PLXNA2: variants seen among roughly 807,000 people sequenced by gnomAD.
PLXNA2 encodes the protein plexin A2.
A neutral mutation model predicts 193.5 loss-of-function variants in PLXNA2; 91 were observed. The ratio of observed to expected loss-of-function variants is 0.47; its 90% confidence interval spans 0.40 to 0.56. The LOEUF is 0.56. PLXNA2 is among the 20% of genes least tolerant of loss of function. PLXNA2 has a pLI of 0.00. For synonymous variants in PLXNA2, 997 were observed against 1,027.3 expected, an observed-to-expected ratio of 0.97 and a Z score of 0.56; for missense variants, 1,995 against 2,503.2, an observed-to-expected ratio of 0.80 and a Z score of 4.33.
intron 8 of PLXNA2, 135 bp from the exon 9 acceptor site, chr1:208,093,035 T>C: frequency 1.7e-6 from 1 of 572,502 alleles, no homozygotes. Flanking sequence ...TGGGCCATCC[T>C]CTAGCACCAA....
chr1:208,098,477 C>CAT (rs1666988879), intron 6 of PLXNA2, among the ~76,000 whole-genome samples: 1 of 151,422 alleles, frequency 6.6e-6, no homozygotes, highest in Admixed American at 6.6e-5. Context: ...CACACACACA[C>CAT]ACACACACAC....
Position 208,038,453 on chromosome 1 carries a change from G to T in PLXNA2, c.4682C>A (p.Ala1561Asp). 6.2e-7 allele frequency: 1 copy of T among 1,614,170 alleles called. No individual in the cohort carries two copies. Among genetic ancestry groups the T allele is most frequent in the African/African-American group, 1.3e-5 (1 of 75,046 alleles). ...GTCCTCATCTTGCAGCACGACCCGG[G>T]CGATCCGGCCTTGGCGCCACTCTGG... The part of the protein sequence containing the change: ...MDLEWRQGRI[A>D]RVVLQDEDIT... The change falls in exon 26 of 32, where the codon GCC becomes GAC. Residue 1561 changes from alanine (A) to aspartate (D), a missense_variant. Around this residue, in one of 3 missense-constraint regions of PLXNA2, gnomAD observed 1,291 missense variants for 1,673.6 expected, o/e 0.77. Transcript: ENST00000367033. The surrounding 1 kb of genome is among the most constrained non-coding windows in gnomAD (Gnocchi z 4.1).
At chr1:208,145,226 C>T (rs1414194498) in intron 3 of PLXNA2, among the ~76,000 whole-genome samples, 1 of 152,188 alleles carries the variant, frequency 6.6e-6, no homozygotes, top group African/African-American at 2.4e-5. Flanking sequence ...TGAGTCTGAA[C>T]TGTGCCCCTC....
In PLXNA2 at chr1:208,044,454, A is replaced by G; in HGVS notation, c.3874+54T>C. 3 of 1,267,558 alleles carry G rather than the reference A, an allele frequency of 2.4e-6. No individual in the cohort carries two copies. The highest frequency in any genetic ancestry group is 3.5e-6 in the Non-Finnish European group (3 of 868,048). The allele number at this position is 1,267,558 out of a possible 1,614,324, so 78.5% of individuals were successfully genotyped here. A position where few individuals can be genotyped will look rare whatever the true frequency, so the allele number is the denominator to read the frequency against. On this transcript the variant is annotated intron_variant, in intron 20 of 31. Transcript: ENST00000367033. This position sits in a 1 kb window ranked among gnomAD's most constrained non-coding sequence, Gnocchi z 4.9. Reference sequence around the variant, plus strand: ...GGAGTTGTCTGCAGGGAGAAGGGCAATAAGGCAGGTGGAGAAAGAGGGACC... The same window carrying G: ...GGAGTTGTCTGCAGGGAGAAGGGCAGTAAGGCAGGTGGAGAAAGAGGGACC...
chr1:208,094,888 G>C (rs1298044998), intron 8 of PLXNA2, among the ~76,000 whole-genome samples: 1 of 152,174 alleles, frequency 6.6e-6, no homozygotes, highest in Non-Finnish European at 1.5e-5. Flanking sequence ...TAGCTTATTT[G>C]CCTCTTCTAA....
intron 4 of PLXNA2, among the ~76,000 whole-genome samples, chr1:208,122,962 A>T (rs928795187): frequency 2.0e-5 from 3 of 152,198 alleles, no homozygotes; most frequent in African/African-American, 7.2e-5. Flanking sequence ...AGATTGCGCA[A>T]TTCAATGGTG....
In PLXNA2 at chr1:208,042,241, G is replaced by A. The variant is rs780920790; in HGVS notation, c.4143C>T (p.Arg1381=). 28 of 1,614,120 alleles carry A rather than the reference G, an allele frequency of 1.7e-5. No homozygotes were observed. The South Asian group carries it at 2.1e-4, about 12-fold the overall frequency. ...TGAGCGAAGCCACGTTGCCCCGGTCGCGCATGGAGAAACTGCGCTGCAGCT... is the reference window on the plus strand; with the variant it reads ...TGAGCGAAGCCACGTTGCCCCGGTCACGCATGGAGAAACTGCGCTGCAGCT... ...TLELQRSFSM[R]DRGNVASLIM... is the part of the protein sequence containing the mutation. The change falls in exon 22 of 32, where the codon CGC becomes CGT. Residue 1381 remains arginine (R), a synonymous_variant. Coordinates refer to ENST00000367033, the MANE Select transcript of PLXNA2 (RefSeq NM_025179.4).
At chr1:208,234,434 T>C (rs1671787487) in intron 1 of PLXNA2, among the ~76,000 whole-genome samples, 1 of 152,228 alleles carries the variant, frequency 6.6e-6, no homozygotes, top group Admixed American at 6.5e-5. Flanking sequence ...ATGGGATGTT[T>C]AGGACTCTCC....
At chr1:208,065,646 G>A (rs1665767918) in intron 12 of PLXNA2, among the ~76,000 whole-genome samples, 2 of 152,182 alleles carry the variant, frequency 1.3e-5, no homozygotes, top group Admixed American at 6.5e-5. Flanking sequence ...ACATGGATGA[G>A]GGAGCGCATC....
At chr1:208,128,258 A>C (rs1425025653) in intron 4 of PLXNA2, among the ~76,000 whole-genome samples, 1 of 152,214 alleles carries the variant, frequency 6.6e-6, no homozygotes, top group African/African-American at 2.4e-5. Context: ...CAGAGGCTAG[A>C]AATAGATGCA....
intron 21 of PLXNA2, 87 bp downstream of exon 21, chr1:208,042,970 TACTC>T: frequency 7.7e-7 from 1 of 1,304,624 alleles, no homozygotes; most frequent in Non-Finnish European, 1.1e-6. Context: ...CTGCTAACCT[TACTC>T]AGTACTGCTG....
intron 1 of PLXNA2, among the ~76,000 whole-genome samples, chr1:208,232,155 T>C (rs866815187): frequency 7.2e-5 from 11 of 152,182 alleles, no homozygotes; most frequent in African/African-American, 2.7e-4. Context: ...GGCCTGGACA[T>C]GGCCCCAGGG....
intron 29 of PLXNA2, chr1:208,030,067 G>C (rs1049759755): frequency 4.1e-6 from 4 of 985,414 alleles, no homozygotes; most frequent in African/African-American, 1.7e-5. Flanking sequence ...AGGTCTTGGG[G>C]AAGATCTGCT....
At chr1:208,186,579 T>A (rs894318072) in intron 3 of PLXNA2, among the ~76,000 whole-genome samples, 2 of 152,150 alleles carry the variant, frequency 1.3e-5, no homozygotes, top group African/African-American at 4.8e-5. Context: ...GTCAAGAACA[T>A]CTTTCAGAAA....
At chr1:208,053,841 A>T (rs1665342053) in intron 14 of PLXNA2, among the ~76,000 whole-genome samples, 1 of 152,232 alleles carries the variant, frequency 6.6e-6, no homozygotes, top group Non-Finnish European at 1.5e-5. Flanking sequence ...TTGCCTGCGC[A>T]TAAAGAGATG....
chr1:208,188,345 C>T (rs1670071112), intron 3 of PLXNA2, among the ~76,000 whole-genome samples: 2 of 152,178 alleles, frequency 1.3e-5, no homozygotes, highest in Admixed American at 6.5e-5. Context: ...CTTTGAGCCA[C>T]AAAACTAGGG....
intron 1 of PLXNA2, among the ~76,000 whole-genome samples, chr1:208,233,049 C>T (rs113463886): frequency 1.2e-4 from 19 of 152,172 alleles, no homozygotes; most frequent in African/African-American, 4.1e-4. Context: ...TGCTTGAATT[C>T]CCTAAATGTT....
chr1:208,233,713 G>A (rs1445898572), intron 1 of PLXNA2, among the ~76,000 whole-genome samples: 15 of 152,258 alleles, frequency 9.9e-5, no homozygotes, highest in Admixed American at 9.2e-4. Context: ...GCAGGCAGCT[G>A]CTTGGGTCAT....
At chr1:208,045,801 AAAGT>A (rs1665043010) in intron 18 of PLXNA2, 73 bp downstream of exon 18, 1 of 1,551,450 alleles carries the variant, frequency 6.4e-7, no homozygotes, top group African/African-American at 1.4e-5. Flanking sequence ...AGAAAGAAAG[AAAGT>A]CAGGCCAGGA....
Sources: allele counts gnomAD v4.1 joint callset (sites outside exome capture counted in the v4.1 genomes callset), GRCh38; gene constraint gnomAD v4.1.1; regional missense constraint gnomAD v4.1.1; non-coding constraint Gnocchi (gnomAD v3.1); transcripts MANE v1.5; gene names NCBI Gene and HGNC (gene_info 2026-07-23, HGNC 2026-07-21).